Variants in GLYATL3 observed in about 807,000 individuals in gnomAD.
The protein encoded by GLYATL3 is glycine N-acyltransferase-like protein 3.
Under a neutral mutation model 28.5 loss-of-function variants are expected in GLYATL3, and 31 were observed. That is an observed-to-expected ratio of 1.09 (90% confidence interval 0.82 to 1.47). The LOEUF is 1.47. Ranked by LOEUF, GLYATL3 falls within the 40% of genes most tolerant of loss-of-function variation. The pLI, the probability that GLYATL3 is intolerant of heterozygous loss-of-function variation, is 0.00. For synonymous variants in GLYATL3, 141 were observed against 140.2 expected, an observed-to-expected ratio of 1.01 and a Z score of -0.04; for missense variants, 369 against 351.5, an observed-to-expected ratio of 1.05 and a Z score of -0.40.
intron 5 of GLYATL3, among the ~76,000 whole-genome samples, chr6:49,523,263 T>C (rs1283223902): frequency 6.6e-6 from 1 of 152,198 alleles, no homozygotes; most frequent in Admixed American, 6.5e-5. Context: ...TGTAATGATA[T>C]GTGTAAAACG....
At chr6:49,517,369 C>T in intron 3 of GLYATL3, 61 bp from the exon 4 acceptor site, 2 of 1,402,726 alleles carry the variant, frequency 1.4e-6, no homozygotes, top group Non-Finnish European at 1.9e-6. Context: ...TCTAATCTAC[C>T]TAAGATTTGG....
At chr6:49,522,749 T>G (rs1333631642) in intron 5 of GLYATL3, among the ~76,000 whole-genome samples, 1 of 152,226 alleles carries the variant, frequency 6.6e-6, no homozygotes, top group African/African-American at 2.4e-5. Context: ...ACCTTAAGAA[T>G]GTACATTTTA....
At chr6:49,502,889 A>G (rs1768939571) in intron 1 of GLYATL3, among the ~76,000 whole-genome samples, 1 of 152,196 alleles carries the variant, frequency 6.6e-6, no homozygotes, top group African/African-American at 2.4e-5. Context: ...GAAGCCAAAT[A>G]CCTTCTCTGG....
chr6:49,511,830 C>T (rs983789014), intron 1 of GLYATL3, 133 bp from the exon 2 acceptor site: 34 of 482,444 alleles, frequency 7.0e-5, no homozygotes, highest in Non-Finnish European at 1.1e-4. Context: ...CCCCATCTTC[C>T]CTTTTCCCTC....
Position 49,517,451 on chromosome 6 carries a change from C to A in GLYATL3, c.208C>A (p.His70Asn). The A allele has an allele frequency of 6.5e-7, 1 of 1,544,684 alleles. No individual in the cohort carries two copies. The highest frequency in any genetic ancestry group is 1.2e-5 in the South Asian group (1 of 82,598). ...CTAGGCTGAGACAGATAACCTTGATCATTATACTAATGCCTATGCTGTGTT... is the reference window on the plus strand; with the variant it reads ...CTAGGCTGAGACAGATAACCTTGATAATTATACTAATGCCTATGCTGTGTT... ...QREAETDNLD[H>N]YTNAYAVFYK... The change falls in exon 4 of 6, where the codon CAT (histidine) becomes AAT (asparagine). Residue 70 changes from histidine to asparagine, a missense_variant. His to Asn is a moderately conservative substitution (Grantham distance 68, BLOSUM62 1). Transcript: ENST00000371197.
chr6:49,519,160 A>G (rs1443947927), intron 4 of GLYATL3, among the ~76,000 whole-genome samples: 1 of 152,206 alleles, frequency 6.6e-6, no homozygotes, highest in Non-Finnish European at 1.5e-5. Context: ...AATCATGGTA[A>G]TAATTGGATG....
At chr6:49,521,620 T>A in intron 4 of GLYATL3, 25 bp from the exon 5 acceptor site, 1 of 1,519,260 alleles carries the variant, frequency 6.6e-7, no homozygotes, top group Non-Finnish European at 8.8e-7. Flanking sequence ...TGCCCACATA[T>A]TAAATTATGT....
At chr6:49,505,737 C>G (rs184963825) in intron 1 of GLYATL3, among the ~76,000 whole-genome samples, 12 of 152,324 alleles carry the variant, frequency 7.9e-5, no homozygotes, top group Non-Finnish European at 1.6e-4. Context: ...TAGTGACACA[C>G]TGACATCCTA....
intron 2 of GLYATL3, among the ~76,000 whole-genome samples, chr6:49,513,981 T>C (rs187893661): frequency 1.3e-5 from 2 of 152,270 alleles, no homozygotes; most frequent in African/African-American, 4.8e-5. Flanking sequence ...AAATGTAGGT[T>C]CCAATGTCCT....
At chr6:49,516,863 T>C (rs1769223684) in intron 3 of GLYATL3, among the ~76,000 whole-genome samples, 1 of 151,538 alleles carries the variant, frequency 6.6e-6, no homozygotes, top group African/African-American at 2.4e-5. Flanking sequence ...GAAGAAAGAA[T>C]CAAGAAAAAA....
At chr6:49,508,130 A>C (rs1018057764) in intron 1 of GLYATL3, among the ~76,000 whole-genome samples, 4 of 152,088 alleles carry the variant, frequency 2.6e-5, no homozygotes, top group African/African-American at 9.7e-5. Flanking sequence ...CCCCGTCTCT[A>C]CTAAAAATTT....
chr6:49,509,688 C>T (rs1769077954), intron 1 of GLYATL3, among the ~76,000 whole-genome samples: 2 of 152,190 alleles, frequency 1.3e-5, no homozygotes, highest in Admixed American at 1.3e-4. Context: ...CTGCTCTATG[C>T]ATGACTGCAA....
intron 4 of GLYATL3, 110 bp from the exon 5 acceptor site, chr6:49,521,535 G>A (rs2127238890): frequency 5.9e-6 from 5 of 841,582 alleles, no homozygotes; most frequent in African/African-American, 1.7e-5. Context: ...AATACAAGGT[G>A]GCAAACTGCT....
At position 49,512,065 on chromosome 6, in the gene GLYATL3, C is replaced by T; in HGVS notation, c.75C>T (p.Leu25=). ...TGAAGAGTTGCTTTCCTGAATCACT[C>T]AAGGTACCATAAAATTAATAATTTT... ...KMLKSCFPES[L]KVYGAVMNIN... The change falls in exon 2 of 6, where the codon CTC becomes CTT. Residue 25 remains leucine, a synonymous_variant. Transcript: ENST00000371197. 3 of 1,186,946 alleles carry T rather than the reference C, an allele frequency of 2.5e-6. No individual in the cohort carries two copies. Among genetic ancestry groups the T allele is most frequent in the Non-Finnish European group, 3.6e-6 (3 of 824,162 alleles). 73.5% of individuals were successfully genotyped at this position (1,186,946 alleles called of 1,614,324 possible). A position where few individuals can be genotyped will look rare whatever the true frequency, so the allele number is the denominator to read the frequency against.
chr6:49,520,205 G>A (rs1195336967), intron 4 of GLYATL3, among the ~76,000 whole-genome samples: 1 of 148,688 alleles, frequency 6.7e-6, no homozygotes, highest in Non-Finnish European at 1.5e-5. Flanking sequence ...ACACCTCGGT[G>A]TTTTAAACAA....
chr6:49,519,918 G>T (rs1370422317), intron 4 of GLYATL3, among the ~76,000 whole-genome samples: 1 of 152,146 alleles, frequency 6.6e-6, no homozygotes, highest in Non-Finnish European at 1.5e-5. Context: ...ACGTGAAAAA[G>T]ATAATCTACA....
rs1769231163 is a variant in GLYATL3, at chr6:49,517,166, A to AC, written c.187-264_187-263insC. Among the ~76,000 whole-genome samples, 5 of 150,406 alleles carry AC rather than the reference A, an allele frequency of 3.3e-5. No homozygotes were observed. The South Asian group carries it at 1.1e-3, about 32-fold the overall frequency. On this transcript the variant is annotated intron_variant, in intron 3 of 5. Transcript: ENST00000371197. ...AGAGTGAGACTCTGTCTAAAAAAAA[A>AC]AAAAAGAAAAGAAAGAAAGACAAAG...
rs749865605 is a variant in GLYATL3, at chr6:49,526,598, T to A, written c.551T>A (p.Leu184His). The A allele has an allele frequency of 1.9e-6, 3 of 1,551,906 alleles. No homozygotes were observed. The highest frequency in any genetic ancestry group is 2.6e-6 in the Non-Finnish European group (3 of 1,147,034). ...CAATGTCTCCGGTACATCGCCAACC[T>A]CATCTCCTGCTTCCCTAGTGTGTGT... ...NEQCLRYIANLISCFPSVCVR... is the reference protein window; with the variant it reads ...NEQCLRYIANHISCFPSVCVR... Residue 184 changes from leucine to histidine, a missense_variant, in exon 6 of 6, where the codon CTC becomes CAC. By Grantham distance (99) the Leu-to-His change is moderately conservative (BLOSUM62 -3). Coordinates refer to ENST00000371197, the MANE Select transcript of GLYATL3 (RefSeq NM_001010904.2).
chr6:49,503,223 T>C (rs1452648009), intron 1 of GLYATL3, among the ~76,000 whole-genome samples: 2 of 152,222 alleles, frequency 1.3e-5, no homozygotes, highest in Admixed American at 1.3e-4. Flanking sequence ...AATTGACCTT[T>C]TGACGATTGC....
Sources: allele counts gnomAD v4.1 joint callset (sites outside exome capture counted in the v4.1 genomes callset), GRCh38; gene constraint gnomAD v4.1.1; transcripts MANE v1.5; gene names NCBI Gene and HGNC (gene_info 2026-07-23, HGNC 2026-07-21).